Variants in AOPEP observed in about 807,000 individuals in gnomAD.
AOPEP encodes aminopeptidase O.
AOPEP carries 77 observed loss-of-function variants against 98.1 expected under a neutral mutation model. The observed-to-expected ratio is 0.78, with a 90% CI of 0.65 to 0.95. AOPEP has a LOEUF of 0.95. AOPEP is among the 40% of genes least tolerant of loss of function. AOPEP has a pLI of 0.00. For synonymous variants in AOPEP, 346 were observed against 365.3 expected, an observed-to-expected ratio of 0.95 and a Z score of 0.60; for missense variants, 1,024 against 1,024.7, an observed-to-expected ratio of 1.00 and a Z score of 0.01.
intron 5 of AOPEP, among the ~76,000 whole-genome samples, chr9:94,842,665 G>A (rs2042412965): frequency 6.6e-6 from 1 of 151,882 alleles, no homozygotes; most frequent in Non-Finnish European, 1.5e-5. Context: ...AGGTTTCTTT[G>A]TGGTTTCATT....
chr9:95,146,933 T>G, the AOPEP span, among the ~76,000 whole-genome samples: 1 of 151,890 alleles, frequency 6.6e-6, no homozygotes, highest in South Asian at 2.1e-4. Flanking sequence ...CTTTGTTGGG[T>G]TTTGTAGTAA....
intron 5 of AOPEP, among the ~76,000 whole-genome samples, chr9:94,902,674 T>C (rs2050565496): frequency 6.6e-6 from 1 of 152,192 alleles, no homozygotes; most frequent in Non-Finnish European, 1.5e-5. Flanking sequence ...GATAGAAATA[T>C]GCTGTGTGTG....
At chr9:95,102,912 C>T in the AOPEP span, among the ~76,000 whole-genome samples, 4 of 152,192 alleles carry the variant, frequency 2.6e-5, no homozygotes, top group Admixed American at 6.5e-5. Flanking sequence ...CGGCCTGCAA[C>T]GAGCCCGCCA....
rs142613548 is a variant in AOPEP at position 94,930,937 on chromosome 9, G to A, written c.1661+2406G>A. 9.9e-5 allele frequency among the ~76,000 whole-genome samples: 15 copies of A among 152,248 alleles called. No homozygotes were observed. The highest frequency in any genetic ancestry group is 3.9e-4 in the East Asian group (2 of 5,180). ...GGCGCCCAGGAGCATGCTTACCTGC[G>A]AGCTGCCTCACTGTGCAAATCCCTT... On this transcript the variant is annotated intron_variant, in intron 7 of 16. Coordinates refer to ENST00000375315, the MANE Select transcript of AOPEP (RefSeq NM_001193329.3). The surrounding 1 kb of genome is among the most constrained non-coding windows in gnomAD (Gnocchi z 4.5).
At chr9:95,131,138 A>ATT in the AOPEP span, among the ~76,000 whole-genome samples, 2 of 152,248 alleles carry the variant, frequency 1.3e-5, no homozygotes, top group Non-Finnish European at 2.9e-5. Flanking sequence ...TTGTTTAATT[A>ATT]GTGATAAATC....
chr9:95,001,328 A>T (rs1274484064), intron 11 of AOPEP, among the ~76,000 whole-genome samples: 1 of 152,244 alleles, frequency 6.6e-6, no homozygotes, highest in Non-Finnish European at 1.5e-5. Context: ...CTGCTTTGAC[A>T]AAAAAAGTTT....
intron 5 of AOPEP, among the ~76,000 whole-genome samples, chr9:94,817,217 C>T (rs1443055173): frequency 6.6e-6 from 1 of 152,090 alleles, no homozygotes; most frequent in Non-Finnish European, 1.5e-5. Flanking sequence ...GTTGTCCAGG[C>T]TGGTCGCGAA....
chr9:95,025,413 G>A (rs937725775), intron 13 of AOPEP, among the ~76,000 whole-genome samples: 6 of 152,202 alleles, frequency 3.9e-5, no homozygotes, highest in African/African-American at 1.4e-4. Context: ...GCTGGATACG[G>A]CTCAGTGCCT....
the AOPEP span, among the ~76,000 whole-genome samples, chr9:95,105,948 C>T: frequency 6.6e-6 from 1 of 152,360 alleles, no homozygotes; most frequent in African/African-American, 2.4e-5. Flanking sequence ...GCCAGATGGC[C>T]CTCCAGCCCC....
At chr9:95,006,836 T>C (rs144687213) in intron 13 of AOPEP, among the ~76,000 whole-genome samples, 90 of 152,132 alleles carry the variant, frequency 5.9e-4, no homozygotes, top group African/African-American at 2.1e-3. Flanking sequence ...GATCATAAAA[T>C]ACCCAAAGAA....
chr9:94,791,779 A>G (rs148124561), intron 3 of AOPEP, among the ~76,000 whole-genome samples: 1 of 152,278 alleles, frequency 6.6e-6, no homozygotes, highest in African/African-American at 2.4e-5. Context: ...CTCATGATGC[A>G]GTTTATCCAA....
At chr9:94,816,276 T>C (rs761445407) in intron 5 of AOPEP, among the ~76,000 whole-genome samples, 7 of 152,116 alleles carry the variant, frequency 4.6e-5, no homozygotes, top group Non-Finnish European at 1.0e-4. Context: ...AGCTAATAAG[T>C]TGTCAGCATA....
At chr9:95,004,170 C>T (rs2061747997) in intron 11 of AOPEP, 1 of 454,600 alleles carries the variant, frequency 2.2e-6, no homozygotes, top group South Asian at 1.6e-5. Context: ...ACAGGACAAC[C>T]CGACTCTCCG....
At chr9:95,134,843 C>T in the AOPEP span, among the ~76,000 whole-genome samples, 4 of 152,336 alleles carry the variant, frequency 2.6e-5, no homozygotes, top group African/African-American at 7.2e-5. Flanking sequence ...GGCGCCACCG[C>T]GCAGGGGAGG....
chr9:94,806,177 C>G (rs149852490), intron 5 of AOPEP, among the ~76,000 whole-genome samples: 250 of 152,262 alleles, frequency 1.6e-3, no homozygotes, highest in African/African-American at 5.8e-3. Context: ...AATTAGTATG[C>G]CTTTGAATTC....
the AOPEP span, among the ~76,000 whole-genome samples, chr9:95,148,627 C>G: frequency 6.6e-6 from 1 of 152,162 alleles, no homozygotes; most frequent in African/African-American, 2.4e-5. Context: ...GGTTTTGATA[C>G]TGCATATGAA....
chr9:94,820,870 C>T (rs766414912), intron 5 of AOPEP, among the ~76,000 whole-genome samples: 1 of 152,176 alleles, frequency 6.6e-6, no homozygotes, highest in Non-Finnish European at 1.5e-5. Flanking sequence ...AGAAGTCTCT[C>T]GCCCCCAACC....
At chr9:95,004,633 C>G (rs1049078157) in intron 11 of AOPEP, among the ~76,000 whole-genome samples, 1 of 152,112 alleles carries the variant, frequency 6.6e-6, no homozygotes, top group East Asian at 1.9e-4. Context: ...TCCCCGCCAC[C>G]GCTCCCTCCA....
chr9:94,776,610 TTA>T (rs1353632007), intron 3 of AOPEP, among the ~76,000 whole-genome samples: 1 of 152,204 alleles, frequency 6.6e-6, no homozygotes, highest in African/African-American at 2.4e-5. Flanking sequence ...CCTTTCCTCA[TTA>T]TGTTATGGCT....
Sources: allele counts gnomAD v4.1 joint callset (sites outside exome capture counted in the v4.1 genomes callset), GRCh38; gene constraint gnomAD v4.1.1; non-coding constraint Gnocchi (gnomAD v3.1); transcripts MANE v1.5; gene names NCBI Gene and HGNC (gene_info 2026-07-23, HGNC 2026-07-21).